SLC45A4: variants seen among roughly 807,000 people sequenced by gnomAD.
SLC45A4 encodes the protein polyamine-transporter SLC45A4.
Under a neutral mutation model 63.7 loss-of-function variants are expected in SLC45A4, and 32 were observed. The ratio of observed to expected loss-of-function variants is 0.50; its 90% CI spans 0.38 to 0.67. The LOEUF (loss-of-function observed/expected upper bound fraction) is 0.67, where lower values mean the gene tolerates loss of function less well. SLC45A4 is among the 30% of genes least tolerant of loss of function. The pLI is 0.00. For missense variants in SLC45A4, 1,027 were observed against 1,157.7 expected, an observed-to-expected ratio of 0.89 and a Z score of 1.64; for synonymous variants, 535 against 510.0, an observed-to-expected ratio of 1.05 and a Z score of -0.66.
intron 2 of SLC45A4, among the ~76,000 whole-genome samples, chr8:141,248,579 T>TA (rs1287014458): frequency 6.6e-6 from 1 of 151,526 alleles, no homozygotes; most frequent in Non-Finnish European, 1.5e-5. Flanking sequence ...AAAAAAATAA[T>TA]AATAAATAAA....
rs569736366 is a variant in SLC45A4 at position 141,230,781 on chromosome 8, TGAAAA to T, written c.242-9021_242-9017del. On this transcript the variant is annotated intron_variant, in intron 2 of 8. Transcript: ENST00000517878. ...TGACACTGTCCATTTTCTGAAGAAATGAAAAGAAGAGAAATGCTGCCAGAGAGCAT... is the reference window on the plus strand; with the variant it reads ...TGACACTGTCCATTTTCTGAAGAAATGAAGAGAAATGCTGCCAGAGAGCAT... Among the ~76,000 whole-genome samples, 216 of 152,290 alleles carry T rather than the reference TGAAAA, an allele frequency of 1.4e-3. 3 individuals are homozygous for T. The Middle Eastern group carries it at 0.017, about 12-fold the overall frequency.
chr8:141,219,346 G>A (rs1377201208), intron 4 of SLC45A4, among the ~76,000 whole-genome samples: 1 of 152,248 alleles, frequency 6.6e-6, no homozygotes, highest in Admixed American at 6.5e-5. Context: ...CTGGATGGGA[G>A]TACTGCCCTG....
At chr8:141,279,310 G>C (rs935854213) in intron 1 of SLC45A4, among the ~76,000 whole-genome samples, 1 of 152,254 alleles carries the variant, frequency 6.6e-6, no homozygotes, top group African/African-American at 2.4e-5. Context: ...AGGGGAGCCA[G>C]GACAAGTCTG....
In SLC45A4 at chr8:141,215,861, G is replaced by C; in HGVS notation, c.1839C>G (p.Asn613Lys). 1 of 1,614,180 alleles carries C rather than the reference G, an allele frequency of 6.2e-7. No individual in the cohort carries two copies. Among genetic ancestry groups the C allele is most frequent in the South Asian group, 1.1e-5 (1 of 91,090 alleles). ...TGATGGTGACCATGGCGACGTAGAC[G>C]TTGGGAAACATGGCCATCACGGCTG... Reference protein sequence around the residue: ...VGTAVMAMFPNVYVAMVTIST... With the variant: ...VGTAVMAMFPKVYVAMVTIST... Residue 613 changes from asparagine (N) to lysine (K), a missense_variant, in exon 7 of 9, where the codon AAC becomes AAG. Asn to Lys is a moderately conservative substitution (Grantham distance 94, BLOSUM62 0). Coordinates refer to ENST00000517878, the MANE Select transcript of SLC45A4 (RefSeq NM_001286646.2). This position sits in a 1 kb window ranked among gnomAD's most constrained non-coding sequence, Gnocchi z 4.3.
intron 1 of SLC45A4, among the ~76,000 whole-genome samples, chr8:141,280,842 C>T (rs894983635): frequency 1.5e-4 from 23 of 152,216 alleles, no homozygotes; most frequent in African/African-American, 5.3e-4. Flanking sequence ...GGGCACCTCC[C>T]GAAGGACTGT....
At chr8:141,300,813 C>T (rs1242451652) in intron 1 of SLC45A4, among the ~76,000 whole-genome samples, 3 of 152,266 alleles carry the variant, frequency 2.0e-5, no homozygotes, top group African/African-American at 4.8e-5. Context: ...CGTGCTTACT[C>T]GTGAAATGGT....
chr8:141,304,573 A>AGT, intron 1 of SLC45A4, among the ~76,000 whole-genome samples: 1 of 128,972 alleles, frequency 7.8e-6, no homozygotes, highest in South Asian at 2.4e-4. Context: ...AAAAAAAAAA[A>AGT]GGGGGGGAGA....
chr8:141,211,587 T>C lies in SLC45A4; in HGVS notation c.2412A>G (p.Thr804=). 1.2e-6 allele frequency: 2 copies of C among 1,612,898 alleles called. No homozygotes were observed. Among genetic ancestry groups the C allele is most frequent in the East Asian group, 4.5e-5 (2 of 44,878 alleles). The change falls in exon 9 of 9, where the codon ACA becomes ACG. Residue 804 remains threonine, a synonymous_variant. Coordinates refer to ENST00000517878, the MANE Select transcript of SLC45A4 (RefSeq NM_001286646.2). The stretch of plus-strand genomic sequence containing the variant: ...CGTCATTCTTCTAAGAGAACCACAT[T>C]GTGGAAAAGAAAATTTTTTTTCTAA... ...DYFRKKIFFS[T]MWFS
rs982599034 is a variant in SLC45A4 at position 141,207,511 on chromosome 8, C to T, written c.*4061G>A. 11 of 152,258 alleles carry T rather than the reference C, an allele frequency of 7.2e-5. No individual in the cohort carries two copies. Among genetic ancestry groups the T allele is most frequent in the African/African-American group, 2.4e-4 (10 of 41,472 alleles). The allele number at this position is 152,258 out of a possible 1,614,324, so 9.4% of individuals were successfully genotyped here. ...ACCACCACTGCTAACTCAGCAAGCG[C>T]GATTACAGTGCTCCAACTTAATAAG... On this transcript the variant is annotated 3_prime_UTR_variant, in exon 9 of 9. Transcript: ENST00000517878.
chr8:141,218,330 C>T lies in SLC45A4; in HGVS notation c.1310G>A (p.Cys437Tyr), dbSNP rs752852131. 6 of 1,607,884 alleles carry T rather than the reference C, an allele frequency of 3.7e-6. No homozygotes were observed. In the Admixed American group the frequency reaches 1.0e-4, roughly 27 times the overall value. The change falls in exon 5 of 9, where the codon TGC (cysteine) becomes TAC (tyrosine). Residue 437 changes from cysteine (C) to tyrosine (Y), a missense_variant. Coordinates refer to ENST00000517878, the MANE Select transcript of SLC45A4 (RefSeq NM_001286646.2). ...GGCGTTGGCGCGCCGGTAGCGGTAG[C>T]AGTGGGACCCAAGCTTGCCGTAGTA... Reference protein sequence around the residue: ...FSYYGKLGSHCYRYRRANAVV... With the variant: ...FSYYGKLGSHYYRYRRANAVV...
intron 1 of SLC45A4, among the ~76,000 whole-genome samples, chr8:141,281,998 A>G (rs533981942): frequency 3.9e-5 from 6 of 152,282 alleles, no homozygotes; most frequent in African/African-American, 1.4e-4. Flanking sequence ...GCCAGGACGC[A>G]TGGTTGGCAA....
Position 141,211,703 on chromosome 8 carries a change from G to T in SLC45A4, c.2302-6C>A. ...ACGTCAATACCTGCAGGCGTCTACA[G>T]AGAGGAAATTTGATAAAAATATTTT... On this transcript the variant is annotated splice_polypyrimidine_tract_variant and splice_region_variant and intron_variant, in intron 8 of 8. Transcript: ENST00000517878. The T allele has an allele frequency of 6.5e-7, 1 of 1,534,858 alleles. No individual in the cohort carries two copies. The highest frequency in any genetic ancestry group is 1.4e-5 in the African/African-American group (1 of 72,054).
Position 141,256,957 on chromosome 8 carries a change from G to T in SLC45A4, c.-400-2328C>A, listed in dbSNP as rs1051988158. On this transcript the variant is annotated intron_variant, in intron 1 of 8. Coordinates refer to ENST00000517878, the MANE Select transcript of SLC45A4 (RefSeq NM_001286646.2). This position sits in a 1 kb window ranked among gnomAD's most constrained non-coding sequence, Gnocchi z 4.3. The stretch of plus-strand genomic sequence containing the variant: ...CAACCTCCGCCTCCCAGCTTCAAGC[G>T]ATTCTCCCGCCTCAGCCTCCTGAGT... 4 of 239,216 alleles carry T rather than the reference G, an allele frequency of 1.7e-5. No homozygotes were observed. The highest frequency in any genetic ancestry group is 1.3e-4 in the South Asian group (3 of 22,604). 14.8% of individuals were successfully genotyped at this position (239,216 alleles called of 1,614,324 possible). A position where few individuals can be genotyped will look rare whatever the true frequency, so the allele number is the denominator to read the frequency against.
chr8:141,262,885 A>C (rs1829096120), intron 1 of SLC45A4, among the ~76,000 whole-genome samples: 1 of 151,108 alleles, frequency 6.6e-6, no homozygotes, highest in Non-Finnish European at 1.5e-5. Context: ...AAGGACTATA[A>C]ATCATGCTGC....
rs896135807 is a variant in SLC45A4 at position 141,266,322 on chromosome 8, C to T, written c.-400-11693G>A. 7.9e-5 allele frequency among the ~76,000 whole-genome samples: 12 copies of T among 152,224 alleles called. 1 individual carries two copies. Among genetic ancestry groups the T allele is most frequent in the Non-Finnish European group, 8.8e-5 (6 of 68,046 alleles). The stretch of plus-strand genomic sequence containing the variant: ...TGTGGGCGGCACATGCTGATGAGGG[C>T]CGGCTCATGAGAACGGCTGTGTGTT... On this transcript the variant is annotated intron_variant, in intron 1 of 8. Coordinates refer to ENST00000517878, the MANE Select transcript of SLC45A4 (RefSeq NM_001286646.2).
intron 1 of SLC45A4, among the ~76,000 whole-genome samples, chr8:141,302,804 C>T (rs1461091418): frequency 6.6e-6 from 1 of 152,194 alleles, no homozygotes; most frequent in Non-Finnish European, 1.5e-5. Flanking sequence ...TATGCGATTT[C>T]ATCTCCAGCG....
intron 1 of SLC45A4, among the ~76,000 whole-genome samples, chr8:141,259,469 CCT>C (rs1339553805): frequency 6.6e-6 from 1 of 152,236 alleles, no homozygotes; most frequent in Non-Finnish European, 1.5e-5. Context: ...CCGTCTCTCC[CCT>C]GAGCTTGGCT....
At chr8:141,252,859 G>GT (rs1828556686) in intron 2 of SLC45A4, among the ~76,000 whole-genome samples, 1 of 151,030 alleles carries the variant, frequency 6.6e-6, no homozygotes, top group Admixed American at 6.6e-5. Context: ...CCACCTGCCC[G>GT]TGTCTGTGAA....
At chr8:141,258,291 G>A (rs1032107302) in intron 1 of SLC45A4, among the ~76,000 whole-genome samples, 3 of 152,054 alleles carry the variant, frequency 2.0e-5, no homozygotes, top group Admixed American at 1.3e-4. Context: ...ACTCTGCTCC[G>A]TGCCACCTAA....
Sources: gnomAD v4.1 joint callset for allele counts (sites outside exome capture counted in the v4.1 genomes callset) on GRCh38, gnomAD v4.1.1 for gene constraint, Gnocchi (gnomAD v3.1) non-coding constraint, MANE v1.5 for transcripts, NCBI Gene and HGNC (gene_info 2026-07-23, HGNC 2026-07-21) for gene names.